The following SPMAP2L variants were observed in gnomAD, a reference collection of about 807,000 sequenced individuals.
SPMAP2L encodes the protein sperm microtubule associated protein 2-like.
At chr4:56,573,713 G>A in the SPMAP2L span, among the ~76,000 whole-genome samples, 7 of 152,162 alleles carry the variant, frequency 4.6e-5, no homozygotes, top group East Asian at 5.8e-4. Flanking sequence ...GCTGGGCTAT[G>A]TGTGGGTATG....
the SPMAP2L span, among the ~76,000 whole-genome samples, chr4:56,574,891 A>C: frequency 1.3e-5 from 2 of 151,958 alleles, no homozygotes; most frequent in Non-Finnish European, 2.9e-5. Flanking sequence ...CTGAGGTAGG[A>C]GGATCACTTG....
the SPMAP2L span, among the ~76,000 whole-genome samples, chr4:56,622,156 A>C: frequency 6.6e-6 from 1 of 152,264 alleles, no homozygotes; most frequent in Non-Finnish European, 1.5e-5. Context: ...AATGCTAAAA[A>C]AGAAAAGAAA....
the SPMAP2L span, among the ~76,000 whole-genome samples, chr4:56,584,257 G>A: frequency 1.1e-4 from 16 of 152,190 alleles, no homozygotes; most frequent in African/African-American, 3.6e-4. Context: ...ATGTTGGGAT[G>A]CCTGTTGGGA....
At chr4:56,566,783 G>A in the SPMAP2L span, among the ~76,000 whole-genome samples, 2 of 128,948 alleles carry the variant, frequency 1.6e-5, no homozygotes, top group African/African-American at 2.9e-5. Context: ...TGCAACCTCC[G>A]CCTCCCGGGT....
chr4:56,583,902 CATA>C, the SPMAP2L span, among the ~76,000 whole-genome samples: 3 of 151,870 alleles, frequency 2.0e-5, no homozygotes, highest in African/African-American at 7.3e-5. Flanking sequence ...AGTATTATTT[CATA>C]ATAATTTTGG....
At chr4:56,533,194 A>G in the SPMAP2L span, among the ~76,000 whole-genome samples, 1 of 152,344 alleles carries the variant, frequency 6.6e-6, no homozygotes, top group East Asian at 1.9e-4. Context: ...AACTATGCCA[A>G]CTATGATAAC....
the SPMAP2L span, among the ~76,000 whole-genome samples, chr4:56,603,022 T>C: frequency 1.3e-5 from 2 of 152,172 alleles, no homozygotes; most frequent in Admixed American, 1.3e-4. Context: ...TAAATCTGGA[T>C]TTGTCTGTAA....
At chr4:56,590,953 A>G in the SPMAP2L span, among the ~76,000 whole-genome samples, 1 of 152,238 alleles carries the variant, frequency 6.6e-6, no homozygotes, top group Non-Finnish European at 1.5e-5. Flanking sequence ...CTTACTGTGT[A>G]AACTTAAATA....
chr4:56,531,534 T>G, the SPMAP2L span, among the ~76,000 whole-genome samples: 1 of 152,204 alleles, frequency 6.6e-6, no homozygotes, highest in South Asian at 2.1e-4. Flanking sequence ...TTAGAGCACT[T>G]AAGATCTTGT....
chr4:56,605,818 C>A, the SPMAP2L span, among the ~76,000 whole-genome samples: 66 of 152,308 alleles, frequency 4.3e-4, no homozygotes, highest in African/African-American at 1.2e-3. Context: ...GAGATAACAA[C>A]ATAAAACCTT....
At chr4:56,567,297 C>T in the SPMAP2L span, among the ~76,000 whole-genome samples, 2 of 150,896 alleles carry the variant, frequency 1.3e-5, no homozygotes, top group South Asian at 2.1e-4. Flanking sequence ...GATGGAGTGT[C>T]GCCATGTCAC....
the SPMAP2L span, among the ~76,000 whole-genome samples, chr4:56,537,652 AGTT>A: frequency 1.3e-5 from 2 of 151,124 alleles, no homozygotes; most frequent in South Asian, 4.2e-4. Flanking sequence ...CACTCACTCC[AGTT>A]GTCCAGTTGT....
chr4:56,544,644 C>G, the SPMAP2L span, among the ~76,000 whole-genome samples: 1 of 152,114 alleles, frequency 6.6e-6, no homozygotes, highest in Non-Finnish European at 1.5e-5. Context: ...CAACTTGTGT[C>G]GCAGTTCGAG....
the SPMAP2L span, chr4:56,594,185 G>A: frequency 6.2e-7 from 1 of 1,613,302 alleles, no homozygotes; most frequent in South Asian, 1.1e-5. Flanking sequence ...AGGTATTCCA[G>A]GGTCTGTGTT....
At chr4:56,530,838 A>G in the SPMAP2L span, 1 of 1,535,306 alleles carries the variant, frequency 6.5e-7, no homozygotes, top group Non-Finnish European at 8.7e-7. Flanking sequence ...ATCCCGAGAA[A>G]CACGAGAATC....
the SPMAP2L span, chr4:56,596,461 C>A: frequency 6.8e-7 from 1 of 1,469,818 alleles, no homozygotes. Context: ...GTGTTTATTA[C>A]TTGATGCTTA....
At chr4:56,580,540 C>A in the SPMAP2L span, among the ~76,000 whole-genome samples, 2 of 151,972 alleles carry the variant, frequency 1.3e-5, no homozygotes, top group African/African-American at 4.8e-5. Flanking sequence ...AGACTGAACG[C>A]TTTACCCCTG....
chr4:56,595,609 C>T, the SPMAP2L span: 2 of 1,292,030 alleles, frequency 1.5e-6, no homozygotes, highest in Non-Finnish European at 2.3e-6. Context: ...AAATTCTGGC[C>T]AGTGATTGCC....
chr4:56,620,706 T>A, the SPMAP2L span, among the ~76,000 whole-genome samples: 99 of 152,360 alleles, frequency 6.5e-4, 1 homozygote, highest in African/African-American at 2.3e-3. Context: ...GTTTTTAAGG[T>A]GCATGCAATT....
Sources: allele counts gnomAD v4.1 joint callset (sites outside exome capture counted in the v4.1 genomes callset), GRCh38; gene constraint gnomAD v4.1.1; transcripts MANE v1.5; gene names NCBI Gene and HGNC (gene_info 2026-07-23, HGNC 2026-07-21).